The following CELF2 variants were observed in gnomAD, a reference collection of about 807,000 sequenced individuals.
CELF2 encodes CUGBP Elav-like family member 2.
In CELF2, 8 loss-of-function variants were observed where a neutral mutation model predicts 62.6. The ratio of observed to expected loss-of-function variants is 0.13; its 90% CI spans 0.07 to 0.23. The LOEUF is 0.23. Among genes scored for constraint, CELF2 ranks in the 10% least tolerant of loss-of-function variants. The probability of loss-of-function intolerance (pLI) is 1.00; values close to 1 mark genes in which losing one functional copy is unlikely to be tolerated. For missense variants in CELF2, 333 were observed against 671.0 expected (o/e 0.50, Z 5.56); for synonymous variants, 258 against 250.0 (o/e 1.03, Z -0.30).
the CELF2 span, among the ~76,000 whole-genome samples, chr10:10,611,659 G>T: frequency 6.6e-6 from 1 of 152,210 alleles, no homozygotes; most frequent in South Asian, 2.1e-4. Context: ...TGATTTCCTG[G>T]TTTAGCTAGA....
rs1367027238 is a variant in CELF2, at chr10:11,046,992, C to T, written c.74+28829C>T. 6.6e-6 allele frequency among the ~76,000 whole-genome samples: 1 copy of T among 151,512 alleles called. No homozygotes were observed. Among genetic ancestry groups the T allele is most frequent in the South Asian group, 2.1e-4 (1 of 4,810 alleles). ...CATTGTTTATTTCGCTCACATTTTC[C>T]TAGGTCTGAGCGCTGGAGTATTTCT... On this transcript the variant is annotated intron_variant, in intron 1 of 12. Transcript: ENST00000633077. This position sits in a 1 kb window ranked among gnomAD's most constrained non-coding sequence, Gnocchi z 4.6.
chr10:11,274,162 G>T (rs2085067217), intron 7 of CELF2, among the ~76,000 whole-genome samples: 1 of 152,196 alleles, frequency 6.6e-6, no homozygotes. Flanking sequence ...GAATATAGGA[G>T]AAAACTATCT....
the CELF2 span, among the ~76,000 whole-genome samples, chr10:10,565,839 T>C: frequency 2.0e-5 from 3 of 152,228 alleles, no homozygotes; most frequent in Non-Finnish European, 4.4e-5. Flanking sequence ...ATTTTGCATT[T>C]ACTTTATTTA....
rs564742175 is a variant in CELF2 at position 10,848,479 on chromosome 10, G to A, written c.53+49662G>A. ...TTTTGACCAGAAGACCGCTTCTTGGGAAATTAAAGATGGGTTTACGTTTAT... is the reference window on the plus strand; with the variant it reads ...TTTTGACCAGAAGACCGCTTCTTGGAAAATTAAAGATGGGTTTACGTTTAT... On this transcript the variant is annotated intron_variant, in intron 1 of 13. Transcript: ENST00000636488. Among the ~76,000 whole-genome samples, 253 of 152,288 alleles carry A rather than the reference G, an allele frequency of 1.7e-3. 1 individual carries two copies. Among genetic ancestry groups the A allele is most frequent in the Non-Finnish European group, 3.0e-3 (202 of 68,018 alleles).
At chr10:11,320,499 C>G (rs2095372194) in intron 10 of CELF2, among the ~76,000 whole-genome samples, 1 of 152,230 alleles carries the variant, frequency 6.6e-6, no homozygotes, top group African/African-American at 2.4e-5. Flanking sequence ...AGCTTCAGCT[C>G]TCTGCGACTG....
chr10:10,474,180 T>C, the CELF2 span, among the ~76,000 whole-genome samples: 1 of 152,116 alleles, frequency 6.6e-6, no homozygotes, highest in East Asian at 1.9e-4. Context: ...CAGTGGCTCA[T>C]GCTTGTAATC....
the CELF2 span, among the ~76,000 whole-genome samples, chr10:10,555,485 A>G: frequency 6.6e-6 from 1 of 152,168 alleles, no homozygotes; most frequent in African/African-American, 2.4e-5. Flanking sequence ...AACCCAAGTT[A>G]TGTTTCTTTT....
Position 11,220,626 on chromosome 10 carries a change from C to T in CELF2, c.354+3119C>T, listed in dbSNP as rs966022876. On this transcript the variant is annotated intron_variant, in intron 3 of 12. Coordinates refer to ENST00000633077, the MANE Select transcript of CELF2 (RefSeq NM_001326342.2). This position sits in a 1 kb window ranked among gnomAD's most constrained non-coding sequence, Gnocchi z 4.4. ...TTACTGGGTAACCAAAGAAGACGCT[C>T]TGTTTTACATCCCCTGAAATTCTCA... 6.6e-6 allele frequency among the ~76,000 whole-genome samples: 1 copy of T among 152,192 alleles called. No individual in the cohort carries two copies. The highest frequency in any genetic ancestry group is 2.4e-5 in the African/African-American group (1 of 41,442).
the CELF2 span, among the ~76,000 whole-genome samples, chr10:10,687,792 A>G: frequency 6.6e-6 from 1 of 152,184 alleles, no homozygotes; most frequent in Non-Finnish European, 1.5e-5. Context: ...CATAATTTCT[A>G]TTGCCCCAGT....
At chr10:11,034,433 A>C (rs1384919526) in intron 1 of CELF2, among the ~76,000 whole-genome samples, 4 of 152,106 alleles carry the variant, frequency 2.6e-5, no homozygotes, top group African/African-American at 4.8e-5. Context: ...TACTAAGAAC[A>C]CTGGAAGAAA....
chr10:11,030,943 A>G (rs1431853437), intron 1 of CELF2: 2 of 152,254 alleles, frequency 1.3e-5, no homozygotes, highest in Admixed American at 6.5e-5. Context: ...CTGCCAAGAT[A>G]AAGAAGCAAT....
At position 11,156,111 on chromosome 10, in the gene CELF2, A is replaced by C. The variant is rs963539358; in HGVS notation, c.75-9375A>C. ...ACCAACCAGTTTTATATTAATAATAATGTAATGAGAACAAGAGGATAGCCA... is the reference window on the plus strand; with the variant it reads ...ACCAACCAGTTTTATATTAATAATACTGTAATGAGAACAAGAGGATAGCCA... On this transcript the variant is annotated intron_variant, in intron 1 of 12. Coordinates refer to ENST00000633077, the MANE Select transcript of CELF2 (RefSeq NM_001326342.2). The surrounding 1 kb of genome is among the most constrained non-coding windows in gnomAD (Gnocchi z 4.3). Among the ~76,000 whole-genome samples, 17 of 152,184 alleles carry C rather than the reference A, an allele frequency of 1.1e-4. No individual in the cohort carries two copies. The highest frequency in any genetic ancestry group is 3.9e-4 in the African/African-American group (16 of 41,424).
At chr10:11,104,795 T>A (rs1377791306) in intron 1 of CELF2, among the ~76,000 whole-genome samples, 2 of 152,236 alleles carry the variant, frequency 1.3e-5, no homozygotes, top group Non-Finnish European at 2.9e-5. Context: ...TCTTTGGAGT[T>A]GATAAGAATA....
intron 1 of CELF2, among the ~76,000 whole-genome samples, chr10:11,102,987 A>G (rs957841529): frequency 6.6e-6 from 1 of 152,194 alleles, no homozygotes; most frequent in African/African-American, 2.4e-5. Context: ...AAAGTTACTG[A>G]TGTTTCTAAA....
At chr10:10,777,944 C>T in the CELF2 span, among the ~76,000 whole-genome samples, 8 of 152,250 alleles carry the variant, frequency 5.3e-5, no homozygotes, top group Admixed American at 1.3e-4. Context: ...CAGCCGCACC[C>T]CTTTTCTACT....
At chr10:11,071,095 G>A (rs1217544733) in intron 1 of CELF2, among the ~76,000 whole-genome samples, 1 of 152,150 alleles carries the variant, frequency 6.6e-6, no homozygotes, top group Non-Finnish European at 1.5e-5. Flanking sequence ...TTTTAATCTT[G>A]TTTATGTTTT....
chr10:10,925,955 A>C (rs1592006808), intron 2 of CELF2, among the ~76,000 whole-genome samples: 1 of 151,700 alleles, frequency 6.6e-6, no homozygotes, highest in South Asian at 2.1e-4. Flanking sequence ...CTACCTCCTC[A>C]CCTTTTCTAA....
At chr10:11,281,749 A>C (rs2088879458) in intron 8 of CELF2, among the ~76,000 whole-genome samples, 1 of 152,228 alleles carries the variant, frequency 6.6e-6, no homozygotes, top group Admixed American at 6.5e-5. Flanking sequence ...GTCTCAAAAA[A>C]TATATATGTA....
chr10:10,486,715 T>C, the CELF2 span, among the ~76,000 whole-genome samples: 1 of 152,144 alleles, frequency 6.6e-6, no homozygotes, highest in African/African-American at 2.4e-5. Flanking sequence ...GCATTTTGGA[T>C]TTTCAGATTT....
Sources: allele counts gnomAD v4.1 joint callset (sites outside exome capture counted in the v4.1 genomes callset), GRCh38; gene constraint gnomAD v4.1.1; non-coding constraint Gnocchi (gnomAD v3.1); transcripts MANE v1.5; gene names NCBI Gene and HGNC (gene_info 2026-07-23, HGNC 2026-07-21).